Variants in APBB2 observed in about 807,000 individuals in gnomAD.
The protein encoded by APBB2 is amyloid beta precursor protein binding family B member 2.
APBB2 carries 38 observed loss-of-function variants against 82.5 expected under a neutral mutation model. The observed-to-expected ratio is 0.46, with a 90% CI of 0.36 to 0.60. The LOEUF is 0.60. Ranked by LOEUF, APBB2 falls within the 20% of genes least tolerant of loss-of-function variation. The probability of loss-of-function intolerance (pLI) is 0.00; values close to 1 mark genes in which losing one functional copy is unlikely to be tolerated. For missense variants in APBB2, 772 were observed against 972.3 expected (o/e 0.79, Z 2.74); for synonymous variants, 341 against 368.2 (o/e 0.93, Z 0.85).
chr4:41,212,338 A>G (rs1444995847), intron 1 of APBB2, among the ~76,000 whole-genome samples: 1 of 152,078 alleles, frequency 6.6e-6, no homozygotes, highest in African/African-American at 2.4e-5. Flanking sequence ...ACTTTAGCTC[A>G]TCAAGCTTTC....
chr4:41,131,541 T>G (rs896992300), intron 2 of APBB2, among the ~76,000 whole-genome samples: 13 of 152,170 alleles, frequency 8.5e-5, no homozygotes, highest in African/African-American at 3.1e-4. Context: ...GTACTATGGT[T>G]CACATACCTT....
At chr4:41,159,924 G>A (rs1370122152) in intron 1 of APBB2, among the ~76,000 whole-genome samples, 1 of 21,164 alleles carries the variant, frequency 4.7e-5, no homozygotes, top group Non-Finnish European at 1.3e-4. Flanking sequence ...AGGAGGAGGA[G>A]GAGGAGGAGG....
chr4:40,947,561 A>G (rs528071288), intron 6 of APBB2, among the ~76,000 whole-genome samples: 2 of 152,368 alleles, frequency 1.3e-5, no homozygotes, highest in Admixed American at 1.3e-4. Context: ...GTTTATCTTC[A>G]ATTAAACCCA....
At chr4:41,097,937 TC>T (rs1229279189) in intron 3 of APBB2, among the ~76,000 whole-genome samples, 1 of 152,112 alleles carries the variant, frequency 6.6e-6, no homozygotes, top group Non-Finnish European at 1.5e-5. Flanking sequence ...CATTTAAGTA[TC>T]CCTTACAGTT....
intron 17 of APBB2, 34 bp from the exon 18 acceptor site, chr4:40,816,293 A>C (rs1470031321): frequency 1.2e-6 from 2 of 1,611,228 alleles, no homozygotes. Flanking sequence ...TAAGGTAATT[A>C]ACAACATATT....
rs575258144 is a variant in APBB2, at chr4:41,132,661, G to A, written c.-261+10326C>T. On this transcript the variant is annotated intron_variant, in intron 2 of 17. Transcript: ENST00000508593. Reference sequence around the variant, plus strand: ...TTCATTGTCCTTCAAATTACATTTAGGAAATATCTTTTTCCTTTCTATTTT... The same window carrying A: ...TTCATTGTCCTTCAAATTACATTTAAGAAATATCTTTTTCCTTTCTATTTT... Among the ~76,000 whole-genome samples the A allele has an allele frequency of 1.4e-4, 22 of 152,244 alleles. No homozygotes were observed. In the South Asian group the frequency reaches 1.9e-3, roughly 13 times the overall value.
chr4:41,079,002 G>A (rs1475535654), intron 3 of APBB2, among the ~76,000 whole-genome samples: 4 of 152,180 alleles, frequency 2.6e-5, no homozygotes, highest in Non-Finnish European at 1.5e-5. Flanking sequence ...GACATAAAGA[G>A]GCAGGAGCAG....
At chr4:40,891,342 C>A (rs1287560616) in intron 11 of APBB2, among the ~76,000 whole-genome samples, 1 of 152,172 alleles carries the variant, frequency 6.6e-6, no homozygotes, top group African/African-American at 2.4e-5. Context: ...CTGCAATCTC[C>A]CCGGCATAAT....
At chr4:40,932,735 T>C (rs1235479231) in intron 10 of APBB2, among the ~76,000 whole-genome samples, 1 of 152,090 alleles carries the variant, frequency 6.6e-6, no homozygotes. Flanking sequence ...AACTTGTAAA[T>C]GAAAAATGCA....
chr4:40,849,984 A>G (rs978278182), intron 12 of APBB2, among the ~76,000 whole-genome samples: 1 of 152,114 alleles, frequency 6.6e-6, no homozygotes, highest in African/African-American at 2.4e-5. Context: ...TCGGCCTCCC[A>G]AAGTGCTGGG....
intron 10 of APBB2, among the ~76,000 whole-genome samples, chr4:40,932,142 C>T (rs185943669): frequency 1.1e-4 from 17 of 152,342 alleles, no homozygotes; most frequent in African/African-American, 3.8e-4. Flanking sequence ...TGCTTTCCCT[C>T]TTGTCAATTT....
chr4:40,851,717 C>CATATATATAT (rs3086183), intron 12 of APBB2, among the ~76,000 whole-genome samples: 22 of 116,014 alleles, frequency 1.9e-4, no homozygotes, highest in Non-Finnish European at 3.0e-4. Context: ...ATTTTCTATG[C>CATATATATAT]ATATATATAT....
At chr4:40,908,641 GC>G (rs935343916) in intron 10 of APBB2, among the ~76,000 whole-genome samples, 1 of 152,082 alleles carries the variant, frequency 6.6e-6, no homozygotes, top group African/African-American at 2.4e-5. Context: ...CTCTAAAGAG[GC>G]CCCGAAGAAT....
intron 10 of APBB2, among the ~76,000 whole-genome samples, chr4:40,924,549 C>G (rs954619150): frequency 1.3e-5 from 2 of 152,126 alleles, no homozygotes; most frequent in Non-Finnish European, 2.9e-5. Context: ...AGCTGGACAC[C>G]AGGTAAAAAG....
At chr4:41,067,398 T>C (rs1732288396) in intron 3 of APBB2, among the ~76,000 whole-genome samples, 1 of 139,170 alleles carries the variant, frequency 7.2e-6, no homozygotes, top group Non-Finnish European at 1.5e-5. Flanking sequence ...GCAGCAAGAG[T>C]GAAACTCCGT....
At chr4:41,138,771 C>T (rs1459811315) in intron 2 of APBB2, among the ~76,000 whole-genome samples, 1 of 152,066 alleles carries the variant, frequency 6.6e-6, no homozygotes, top group Non-Finnish European at 1.5e-5. Context: ...ATAATAACAT[C>T]CAGATTGGAC....
chr4:40,816,322 C>G, intron 17 of APBB2, 63 bp from the exon 18 acceptor site: 1 of 1,564,796 alleles, frequency 6.4e-7, no homozygotes, highest in Non-Finnish European at 8.8e-7. Context: ...TTTAATATGA[C>G]TTTAAGTCAT....
chr4:41,134,483 C>A (rs974581825), intron 2 of APBB2, among the ~76,000 whole-genome samples: 6 of 152,196 alleles, frequency 3.9e-5, no homozygotes, highest in Middle Eastern at 3.4e-3. Flanking sequence ...CCCAGCCCCC[C>A]ACAAATAAAG....
chr4:41,210,702 TC>T (rs1779103240), intron 1 of APBB2, among the ~76,000 whole-genome samples: 1 of 152,298 alleles, frequency 6.6e-6, no homozygotes, highest in South Asian at 2.1e-4. Flanking sequence ...TTCAAATCAT[TC>T]TGAAGATATG....
Sources: gnomAD v4.1 joint callset for allele counts (sites outside exome capture counted in the v4.1 genomes callset) on GRCh38, gnomAD v4.1.1 for gene constraint, MANE v1.5 for transcripts, NCBI Gene and HGNC (gene_info 2026-07-23, HGNC 2026-07-21) for gene names.